The following NFE2L1 variants were observed in gnomAD, a reference collection of about 807,000 sequenced individuals.
The protein encoded by NFE2L1 is endoplasmic reticulum membrane sensor NFE2L1.
In NFE2L1, 18 loss-of-function variants were observed where a neutral mutation model predicts 61.6. That is an observed-to-expected ratio of 0.29 (90% CI 0.20 to 0.43). NFE2L1 has a LOEUF of 0.43. Ranked by LOEUF, NFE2L1 falls within the 20% of genes least tolerant of loss-of-function variation. NFE2L1 has a pLI of 1.00. For missense variants in NFE2L1, 827 were observed against 973.5 expected, an observed-to-expected ratio of 0.85 and a Z score of 2.00; for synonymous variants, 419 against 402.7, an observed-to-expected ratio of 1.04 and a Z score of -0.48.
chr17:48,051,441 A>G lies in NFE2L1; in HGVS notation c.323A>G (p.Asp108Gly). The change falls in exon 2 of 6, where the codon GAC (aspartate) becomes GGC (glycine). Residue 108 changes from aspartate to glycine, a missense_variant. Around this residue, in one of 3 missense-constraint regions of NFE2L1, gnomAD observed 667 missense variants for 748.4 expected, o/e 0.89. Transcript: ENST00000362042. ...GTAAATGCCTGGCTGGTTCACCGAG[A>G]CCCAGAGGGGTCTGTCTCTGGCAGT... is the stretch of plus-strand genomic sequence containing the variant. ...TEVNAWLVHR[D>G]PEGSVSGSQP... 1 of 1,614,182 alleles carries G rather than the reference A, an allele frequency of 6.2e-7. No individual in the cohort carries two copies. Among genetic ancestry groups the G allele is most frequent in the South Asian group, 1.1e-5 (1 of 91,084 alleles).
chr17:48,055,286 G>A (rs1463508692), intron 2 of NFE2L1: 17 of 1,067,572 alleles, frequency 1.6e-5, no homozygotes, highest in Non-Finnish European at 1.9e-5. Context: ...GAAAGTGTAT[G>A]TCTGCATTTT....
rs2037402181 is a variant in NFE2L1 at position 48,056,413 on chromosome 17, C to T, written c.538C>T (p.Arg180Ter). ...EDIDLIDILW[R>*]QDIDLGAGRE... ...CATAGATCTGATTGACATCCTTTGG[C>T]GACAGGATATTGATCTGGGGGCTGG... The change falls in exon 3 of 6, where the codon CGA becomes TGA. Residue 180 changes from arginine (R) to a stop codon, truncating the protein, a stop_gained. Transcript: ENST00000362042. LOFTEE classifies it high-confidence loss of function. 3 of 1,614,114 alleles carry T rather than the reference C, an allele frequency of 1.9e-6. No homozygotes were observed. The highest frequency in any genetic ancestry group is 8.5e-7 in the Non-Finnish European group (1 of 1,180,010).
chr17:48,060,186 G>C lies in NFE2L1; in HGVS notation c.*545G>C, dbSNP rs1311873048. 2.6e-5 allele frequency: 4 copies of C among 151,854 alleles called. No homozygotes were observed. Among genetic ancestry groups the C allele is most frequent in the Admixed American group, 6.6e-5 (1 of 15,246 alleles). The allele number at this position is 151,854 out of a possible 1,614,324, so 9.4% of individuals were successfully genotyped here. A position where few individuals can be genotyped will look rare whatever the true frequency, so the allele number is the denominator to read the frequency against. On this transcript the variant is annotated 3_prime_UTR_variant, in exon 6 of 6. Transcript: ENST00000362042. ...AAACCCCAATTTTCACCCCGGGGGG[G>C]GTGGGGTACACAGACACAGGGTGGG...
chr17:48,054,549 T>C (rs2037340304), intron 2 of NFE2L1: 2 of 1,175,542 alleles, frequency 1.7e-6, no homozygotes, highest in Non-Finnish European at 2.1e-6. Flanking sequence ...GCCCAGCTGC[T>C]GACCTGGGGG....
At chr17:48,054,995 G>A (rs1445452680) in intron 2 of NFE2L1, 1 of 1,507,706 alleles carries the variant, frequency 6.6e-7, no homozygotes, top group South Asian at 1.2e-5. Flanking sequence ...GGCACCGGCT[G>A]CCCTGGGGCT....
rs1363598857 is a variant in NFE2L1 at position 48,059,265 on chromosome 17, G to A, written c.1943G>A (p.Ser648Asn). The change falls in exon 6 of 6, where the codon AGT becomes AAT. Residue 648 changes from serine to asparagine, a missense_variant. Ser to Asn is a conservative substitution (Grantham distance 46, BLOSUM62 1). Around this residue, in one of 3 missense-constraint regions of NFE2L1, gnomAD observed 74 missense variants for 127.8 expected, o/e 0.58. Coordinates refer to ENST00000362042, the MANE Select transcript of NFE2L1 (RefSeq NM_003204.3). The surrounding 1 kb of genome is among the most constrained non-coding windows in gnomAD (Gnocchi z 6.1). ...GAACTGCTGTCCAAATACCAGTTGA[G>A]TGAAGCCCAGCTGAGCCTCATCCGA... Reference protein sequence around the residue: ...FNELLSKYQLSEAQLSLIRDI... With the variant: ...FNELLSKYQLNEAQLSLIRDI... The A allele has an allele frequency of 1.9e-6, 3 of 1,614,106 alleles. No homozygotes were observed. Among genetic ancestry groups the A allele is most frequent in the South Asian group, 1.1e-5 (1 of 91,092 alleles).
chr17:48,057,447 C>T lies in NFE2L1; in HGVS notation c.917C>T (p.Ser306Leu), dbSNP rs2037432161. ...LLSPLLTGTE[S>L]PFDLEQQWQD... ...TCTCCTCTTCTGACCGGGACAGAGT[C>T]ACCATTTGATTTGGAACAGCAGTGG... The change falls in exon 5 of 6, where the codon TCA (serine) becomes TTA (leucine). Residue 306 changes from serine to leucine, a missense_variant. By Grantham distance (145) the Ser-to-Leu change is moderately radical. Around this residue, in one of 3 missense-constraint regions of NFE2L1, gnomAD observed 667 missense variants for 748.4 expected, o/e 0.89. Coordinates refer to ENST00000362042, the MANE Select transcript of NFE2L1 (RefSeq NM_003204.3). 1.2e-6 allele frequency: 2 copies of T among 1,614,068 alleles called. No individual in the cohort carries two copies. Among genetic ancestry groups the T allele is most frequent in the Non-Finnish European group, 1.7e-6 (2 of 1,180,042 alleles).
chr17:48,056,279 GC>G, intron 2 of NFE2L1, 106 bp from the exon 3 acceptor site: 1 of 1,317,290 alleles, frequency 7.6e-7, no homozygotes, highest in Non-Finnish European at 1.1e-6. Flanking sequence ...GCTGGGAGGG[GC>G]CCCACCCAGG....
chr17:48,053,419 C>T (rs1283842413), intron 2 of NFE2L1, among the ~76,000 whole-genome samples: 2 of 152,140 alleles, frequency 1.3e-5, no homozygotes, highest in Admixed American at 6.5e-5. Flanking sequence ...ATTTCCTCAG[C>T]AACTCAGGGA....
intron 1 of NFE2L1, chr17:48,048,685 G>T (rs945871084): frequency 4.6e-5 from 7 of 152,288 alleles, no homozygotes; most frequent in South Asian, 2.1e-4. Flanking sequence ...GCACGAGAAG[G>T]CGTGGTGTGA....
intron 2 of NFE2L1, among the ~76,000 whole-genome samples, chr17:48,052,135 A>G (rs2037268527): frequency 1.3e-5 from 2 of 152,140 alleles, no homozygotes; most frequent in Non-Finnish European, 1.5e-5. Context: ...TTGGATAGTT[A>G]TTCTTGGCCA....
In NFE2L1 at chr17:48,058,352, C is replaced by G. The variant is rs773099645; in HGVS notation, c.1030C>G (p.Pro344Ala). ...CCTGTACAGTGCCCCTCCTGGAGAC[C>G]CACTGAGCACCAACTACAGCCTTGC... ...EILYSAPPGD[P>A]LSTNYSLAPN... The change falls in exon 6 of 6, where the codon CCA becomes GCA. Residue 344 changes from proline (P) to alanine (A), a missense_variant. Physicochemically the swap from Pro to Ala is conservative, Grantham distance 27. Around this residue, in one of 3 missense-constraint regions of NFE2L1, gnomAD observed 667 missense variants for 748.4 expected, o/e 0.89. Coordinates refer to ENST00000362042, the MANE Select transcript of NFE2L1 (RefSeq NM_003204.3). The G allele has an allele frequency of 1.9e-6, 3 of 1,613,596 alleles. No individual in the cohort carries two copies. The South Asian group carries it at 3.3e-5, about 18-fold the overall frequency.
Position 48,059,837 on chromosome 17 carries a change from A to G in NFE2L1, c.*196A>G. On this transcript the variant is annotated 3_prime_UTR_variant, in exon 6 of 6. Coordinates refer to ENST00000362042, the MANE Select transcript of NFE2L1 (RefSeq NM_003204.3). This position sits in a 1 kb window ranked among gnomAD's most constrained non-coding sequence, Gnocchi z 6.1. ...CTCAGCTCCACTCGGGTGGAGTGGAAGTGGCCAGACCATTTAGACGGACAG... is the reference window on the plus strand; with the variant it reads ...CTCAGCTCCACTCGGGTGGAGTGGAGGTGGCCAGACCATTTAGACGGACAG... 1.3e-6 allele frequency: 1 copy of G among 756,144 alleles called. No individual in the cohort carries two copies. The highest frequency in any genetic ancestry group is 2.0e-6 in the Non-Finnish European group (1 of 493,052). 46.8% of individuals were successfully genotyped at this position (756,144 alleles called of 1,614,324 possible).
rs2037529567 is a variant in NFE2L1 at position 48,060,601 on chromosome 17, GA to G, written c.*962del. 6.5e-6 allele frequency: 1 copy of G among 152,822 alleles called. No homozygotes were observed. The highest frequency in any genetic ancestry group is 2.1e-4 in the South Asian group (1 of 4,832). 9.5% of individuals were successfully genotyped at this position (152,822 alleles called of 1,614,324 possible). ...GGGTAGGGTGATGGCAGTGCTCCGG[GA>G]ACTGGGCCTGCAGCCTTCCTCTTCT... On this transcript the variant is annotated 3_prime_UTR_variant, in exon 6 of 6. Coordinates refer to ENST00000362042, the MANE Select transcript of NFE2L1 (RefSeq NM_003204.3).
Position 48,056,689 on chromosome 17 carries a change from G to A in NFE2L1, c.723+91G>A, listed in dbSNP as rs2037409857. The A allele has an allele frequency of 1.0e-5, 15 of 1,469,884 alleles. No individual in the cohort carries two copies. In the Admixed American group the frequency reaches 1.6e-4, roughly 16 times the overall value. The allele number at this position is 1,469,884 out of a possible 1,614,324, so 91.1% of individuals were successfully genotyped here. A position where few individuals can be genotyped will look rare whatever the true frequency, so the allele number is the denominator to read the frequency against. On this transcript the variant is annotated intron_variant, in intron 3 of 5. Coordinates refer to ENST00000362042, the MANE Select transcript of NFE2L1 (RefSeq NM_003204.3). ...AGTTCTTCCAGAAACTTCCTTTAGA[G>A]AAGACAGGTGGTGTGTGGGGTGGAC...
At chr17:48,054,636 T>G in intron 2 of NFE2L1, 1 of 1,078,846 alleles carries the variant, frequency 9.3e-7, no homozygotes, top group Non-Finnish European at 1.1e-6. Context: ...TGCTGCAGCC[T>G]AGGTAACAAG....
chr17:48,058,809 G>GTTCTTCCTC lies in NFE2L1; in HGVS notation c.1497_1505dup (p.Ser507_Ser509dup), dbSNP rs771198699. 1 of 1,614,114 alleles carries GTTCTTCCTC rather than the reference G, an allele frequency of 6.2e-7. No individual in the cohort carries two copies. Among genetic ancestry groups the GTTCTTCCTC allele is most frequent in the South Asian group, 1.1e-5 (1 of 91,074 alleles). ...TCTTCCCTAAGCAGCTCTGAAGGCAGTTCTTCCTCTTCTTCCTCCTCCTCT... is the reference window on the plus strand; with the variant it reads ...TCTTCCCTAAGCAGCTCTGAAGGCAGTTCTTCCTCTTCTTCCTCTTCTTCCTCCTCCTCT... On this transcript the variant is annotated inframe_insertion, in exon 6 of 6. Coordinates refer to ENST00000362042, the MANE Select transcript of NFE2L1 (RefSeq NM_003204.3).
chr17:48,051,321 A>T lies in NFE2L1; in HGVS notation c.203A>T (p.His68Leu), dbSNP rs1248432917. 2.5e-6 allele frequency: 4 copies of T among 1,613,942 alleles called. No homozygotes were observed. The highest frequency in any genetic ancestry group is 3.4e-6 in the Non-Finnish European group (4 of 1,179,998). The change falls in exon 2 of 6, where the codon CAC becomes CTC. Residue 68 changes from histidine to leucine, a missense_variant. Physicochemically the swap from His to Leu is moderately conservative, Grantham distance 99. Transcript: ENST00000362042. Reference protein sequence around the residue: ...LRNTLDGYGIHPKSIDLDNYF... With the variant: ...LRNTLDGYGILPKSIDLDNYF... ...AATACCTTGGATGGCTATGGTATCC[A>T]CCCCAAGAGCATAGACCTGGACAAT...
intron 2 of NFE2L1, among the ~76,000 whole-genome samples, chr17:48,053,970 C>T (rs963862706): frequency 6.6e-6 from 1 of 152,082 alleles, no homozygotes; most frequent in Non-Finnish European, 1.5e-5. Flanking sequence ...CATTGCTGCA[C>T]GTGGGCAAAA....
Sources: gnomAD v4.1 joint callset for allele counts (sites outside exome capture counted in the v4.1 genomes callset) on GRCh38, gnomAD v4.1.1 for gene constraint, gnomAD v4.1.1 regional missense constraint, Gnocchi (gnomAD v3.1) non-coding constraint, MANE v1.5 for transcripts, NCBI Gene and HGNC (gene_info 2026-07-23, HGNC 2026-07-21) for gene names.